The following CGB3 variants were observed in gnomAD, a reference collection of about 807,000 sequenced individuals.
CGB3 encodes the protein chorionic gonadotropin subunit beta 3, also known as choriogonadotropin subunit beta 3.
Under a neutral mutation model 5.1 loss-of-function variants are expected in CGB3, and 3 were observed. The observed-to-expected ratio is 0.59, with a 90% CI of 0.27 to 1.52. The LOEUF (loss-of-function observed/expected upper bound fraction) is 1.52. Among genes scored for constraint, CGB3 ranks in the 40% most tolerant of loss-of-function variants. The pLI is 0.13. For synonymous variants in CGB3, 21 were observed against 80.9 expected (o/e 0.26, Z 3.97); for missense variants, 44 against 183.7 (o/e 0.24, Z 4.39).
chr19:49,024,013 C>T lies in CGB3; in HGVS notation c.-42G>A, dbSNP rs375297042. On this transcript the variant is annotated 5_prime_UTR_variant, in exon 1 of 3. Coordinates refer to ENST00000357383, the MANE Select transcript of CGB3 (RefSeq NM_000737.5). ...GCCTCGTGTACCTGGCTTTATACCT[C>T]GGGGTTGTGGGGGCGGCAAGGCCAC... 49 of 1,612,382 alleles carry T rather than the reference C, an allele frequency of 3.0e-5. No homozygotes were observed. Among genetic ancestry groups the T allele is most frequent in the African/African-American group, 5.4e-5 (4 of 74,468 alleles).
rs200570800 is a variant in CGB3 at position 49,022,902 on chromosome 19, G to C, written c.482C>G (p.Pro161Arg). Reference sequence around the variant, plus strand: ...GAGAAGCCTTTATTGTGGGAGGATCGGGGTGTCCGAGGGCCCCGGGAGTCG... The same window carrying C: ...GAGAAGCCTTTATTGTGGGAGGATCCGGGTGTCCGAGGGCCCCGGGAGTCG... ...PSRLPGPSDT[P>R]ILPQ Residue 161 changes from proline (P) to arginine (R), a missense_variant, in exon 3 of 3, where the codon CCG becomes CGG. By Grantham distance (103) the Pro-to-Arg change is moderately radical. Transcript: ENST00000357383. 5 of 1,580,740 alleles carry C rather than the reference G, an allele frequency of 3.2e-6. No individual in the cohort carries two copies. The highest frequency in any genetic ancestry group is 2.3e-5 in the South Asian group (2 of 87,184).
chr19:49,023,518 G>A lies in CGB3; in HGVS notation c.101C>T (p.Ala34Val). The A allele has an allele frequency of 1.8e-6, 1 of 554,338 alleles. No homozygotes were observed. Among genetic ancestry groups the A allele is most frequent in the Non-Finnish European group, 3.0e-6 (1 of 331,676 alleles). The allele number at this position is 554,338 out of a possible 1,614,324, so 34.3% of individuals were successfully genotyped here. A position where few individuals can be genotyped will look rare whatever the true frequency, so the allele number is the denominator to read the frequency against. The change falls in exon 2 of 3, where the codon GCC becomes GTC. Residue 34 changes from alanine to valine, a missense_variant. This residue lies in a region of CGB3 where 12 missense variants were observed against 25.0 expected (regional missense o/e 0.48). Transcript: ENST00000357383. Reference sequence around the variant, plus strand: ...GCCCTCCTTCTCCACAGCCAGGGTGGCATTGATGGGGCGGCACCGTGGCCG... The same window carrying A: ...GCCCTCCTTCTCCACAGCCAGGGTGACATTGATGGGGCGGCACCGTGGCCG... ...PLRPRCRPIN[A>V]TLAVEKEGCP...
In CGB3 at chr19:49,024,143, CCCTCT is replaced by C; in HGVS notation, c.-177_-173del. On this transcript the variant is annotated 5_prime_UTR_variant, in exon 1 of 3. Transcript: ENST00000357383. ...GGAGTGGCTCAGCGGAGCGCCCCAG[CCCTCT>C]CCTCTCACTGGTCCAGCGCCAAGGG... 1 of 1,247,576 alleles carries C rather than the reference CCCTCT, an allele frequency of 8.0e-7. No homozygotes were observed. The highest frequency in any genetic ancestry group is 1.4e-5 in the South Asian group (1 of 70,420). 77.3% of individuals were successfully genotyped at this position (1,247,576 alleles called of 1,614,324 possible). A position where few individuals can be genotyped will look rare whatever the true frequency, so the allele number is the denominator to read the frequency against.
At position 49,023,785 on chromosome 19, in the gene CGB3, A is replaced by G. The variant is rs182395211; in HGVS notation, c.15+172T>C. 2.9e-3 allele frequency: 2,698 copies of G among 945,716 alleles called. 4 individuals are homozygous for G. The African/African-American group carries it at 0.048, about 17-fold the overall frequency. 58.6% of individuals were successfully genotyped at this position (945,716 alleles called of 1,614,324 possible). The stretch of plus-strand genomic sequence containing the variant: ...CCCCACAGCCCAGAGGACCTGAGAT[A>G]CCCCAACATTTCAGATCCGCACCTT... On this transcript the variant is annotated intron_variant, in intron 1 of 2. Coordinates refer to ENST00000357383, the MANE Select transcript of CGB3 (RefSeq NM_000737.5).
Position 49,024,078 on chromosome 19 carries a change from C to T in CGB3, c.-107G>A, listed in dbSNP as rs957888416. 3.1e-6 allele frequency: 5 copies of T among 1,602,464 alleles called. No homozygotes were observed. The Admixed American group carries it at 6.7e-5, about 21-fold the overall frequency. The stretch of plus-strand genomic sequence containing the variant: ...ATGCTGGGGTGAGCTCGACACTAAC[C>T]CCTCGGGGGGCAAGAGGTAGACAAG... On this transcript the variant is annotated 5_prime_UTR_variant, in exon 1 of 3. Transcript: ENST00000357383.
chr19:49,023,749 T>C lies in CGB3; in HGVS notation c.16-146A>G, dbSNP rs556373108. The C allele has an allele frequency of 5.7e-5, 82 of 1,437,836 alleles. No individual in the cohort carries two copies. In the East Asian group the frequency reaches 2.0e-3, roughly 36 times the overall value. 89.1% of individuals were successfully genotyped at this position (1,437,836 alleles called of 1,614,324 possible). ...GGACCCACCACCCGGACACCTGCCT[T>C]TCAGAGCCCACCCCACAGCCCAGAG... On this transcript the variant is annotated intron_variant, in intron 1 of 2. Coordinates refer to ENST00000357383, the MANE Select transcript of CGB3 (RefSeq NM_000737.5).
rs375631692 is a variant in CGB3 at position 49,024,014 on chromosome 19, G to A, written c.-43C>T. The A allele has an allele frequency of 1.5e-3, 2,447 of 1,611,760 alleles. 47 individuals are homozygous for A. The African/African-American group carries it at 0.028, about 19-fold the overall frequency. ...CCTCGTGTACCTGGCTTTATACCTC[G>A]GGGTTGTGGGGGCGGCAAGGCCACC... On this transcript the variant is annotated 5_prime_UTR_variant, in exon 1 of 3. Coordinates refer to ENST00000357383, the MANE Select transcript of CGB3 (RefSeq NM_000737.5).
chr19:49,024,003 C>G lies in CGB3; in HGVS notation c.-32G>C, dbSNP rs778256249. The G allele has an allele frequency of 3.7e-6, 6 of 1,613,102 alleles. No individual in the cohort carries two copies. The highest frequency in any genetic ancestry group is 5.1e-6 in the Non-Finnish European group (6 of 1,179,592). On this transcript the variant is annotated 5_prime_UTR_variant, in exon 1 of 3. Transcript: ENST00000357383. ...TGCGTCCCCTGCCTCGTGTACCTGG[C>G]TTTATACCTCGGGGTTGTGGGGGCG...
chr19:49,023,899 T>A, intron 1 of CGB3, 58 bp downstream of exon 1: 2 of 1,612,422 alleles, frequency 1.2e-6, no homozygotes, highest in South Asian at 2.2e-5. Flanking sequence ...TGACCCCTTC[T>A]CATGCCAGTG....
Position 49,024,047 on chromosome 19 carries a change from G to T in CGB3, c.-76C>A, listed in dbSNP as rs558114771. The T allele has an allele frequency of 0.034, 50,311 of 1,499,270 alleles. 2,085 individuals are homozygous for T. Among genetic ancestry groups the T allele is most frequent in the Non-Finnish European group, 0.038 (40,784 of 1,080,550 alleles). 92.9% of individuals were successfully genotyped at this position (1,499,270 alleles called of 1,614,324 possible). ...GGGGGCGGCAAGGCCACCAGGAGGT[G>T]ATAGGATGCTGGGGTGAGCTCGACA... On this transcript the variant is annotated 5_prime_UTR_variant, in exon 1 of 3. Coordinates refer to ENST00000357383, the MANE Select transcript of CGB3 (RefSeq NM_000737.5).
intron 1 of CGB3, 31 bp downstream of exon 1, chr19:49,023,926 T>A (rs201629156): frequency 6.2e-7 from 1 of 1,612,244 alleles, no homozygotes; most frequent in East Asian, 2.2e-5. Flanking sequence ...TGGAAGGAGG[T>A]GGAAGGTGCC....
Position 49,024,188 on chromosome 19 carries a change from C to A in CGB3, c.-217G>T, listed in dbSNP as rs1424890105. The A allele has an allele frequency of 6.3e-6, 9 of 1,435,416 alleles. No individual in the cohort carries two copies. Among genetic ancestry groups the A allele is most frequent in the Non-Finnish European group, 7.4e-6 (8 of 1,087,436 alleles). 88.9% of individuals were successfully genotyped at this position (1,435,416 alleles called of 1,614,324 possible). ...AGCGCCAAGGGTGAGGCGGAGACCA[C>A]GGTGAAGTGACCTCAGAGACTCAGT... On this transcript the variant is annotated 5_prime_UTR_variant, in exon 1 of 3. Transcript: ENST00000357383.
rs1023412955 is a variant in CGB3 at position 49,024,084 on chromosome 19, G to A, written c.-113C>T. On this transcript the variant is annotated 5_prime_UTR_variant, in exon 1 of 3. Transcript: ENST00000357383. The stretch of plus-strand genomic sequence containing the variant: ...GGGTGAGCTCGACACTAACCCCTCG[G>A]GGGGCAAGAGGTAGACAAGGCCAGG... The A allele has an allele frequency of 6.3e-7, 1 of 1,596,344 alleles. No homozygotes were observed. Among genetic ancestry groups the A allele is most frequent in the Non-Finnish European group, 8.6e-7 (1 of 1,165,674 alleles).
Position 49,023,120 on chromosome 19 carries a change from C to A in CGB3, c.264G>T (p.Arg88=). 8.1e-7 allele frequency: 1 copy of A among 1,232,204 alleles called. No homozygotes were observed. Among genetic ancestry groups the A allele is most frequent in the Middle Eastern group, 2.8e-4 (1 of 3,586 alleles). 76.3% of individuals were successfully genotyped at this position (1,232,204 alleles called of 1,614,324 possible). The change falls in exon 3 of 3, where the codon CGG becomes CGT. Residue 88 remains arginine, a synonymous_variant. Coordinates refer to ENST00000357383, the MANE Select transcript of CGB3 (RefSeq NM_000737.5). The part of the protein sequence containing the change: ...NYRDVRFESI[R]LPGCPRGVNP... ...TCACGCCGCGCGGGCAGCCAGGGAGCCGGATGGACTCGAAGCGCACATCGC... is the reference window on the plus strand; with the variant it reads ...TCACGCCGCGCGGGCAGCCAGGGAGACGGATGGACTCGAAGCGCACATCGC...
Position 49,024,215 on chromosome 19 carries a change from G to A in CGB3, c.-244C>T, listed in dbSNP as rs903146617. 40 of 1,429,278 alleles carry A rather than the reference G, an allele frequency of 2.8e-5. No individual in the cohort carries two copies. In the East Asian group the frequency reaches 3.3e-4, roughly 12 times the overall value. 88.5% of individuals were successfully genotyped at this position (1,429,278 alleles called of 1,614,324 possible). A position where few individuals can be genotyped will look rare whatever the true frequency, so the allele number is the denominator to read the frequency against. ...GTGAAGTGACCTCAGAGACTCAGTC[G>A]TCGAGTGCTAGGGACTAGTCGAGGC... On this transcript the variant is annotated 5_prime_UTR_variant, in exon 1 of 3. The change creates a new upstream start codon in the 5' untranslated region. Coordinates refer to ENST00000357383, the MANE Select transcript of CGB3 (RefSeq NM_000737.5).
intron 1 of CGB3, 147 bp from the exon 2 acceptor site, chr19:49,023,750 T>G (rs1233271960): frequency 7.6e-6 from 11 of 1,438,620 alleles, no homozygotes; most frequent in Non-Finnish European, 1.0e-5. Flanking sequence ...CACCTGCCTT[T>G]CAGAGCCCAC....
chr19:49,023,957 C>T lies in CGB3; in HGVS notation c.15G>A (p.Gln5=). ...GTGCCCAGGGGCCCTGCAGTCTTACCTGGAACATCTCCATCCTTGGTGCGT... is the reference window on the plus strand; with the variant it reads ...GTGCCCAGGGGCCCTGCAGTCTTACTTGGAACATCTCCATCCTTGGTGCGT... MEMF[Q]GLLLLLLLSM... is the part of the protein sequence containing the mutation. The change falls in exon 1 of 3, where the codon CAG becomes CAA. Residue 5 remains glutamine (Q), a splice_region_variant and synonymous_variant. Coordinates refer to ENST00000357383, the MANE Select transcript of CGB3 (RefSeq NM_000737.5). 2 of 1,613,122 alleles carry T rather than the reference C, an allele frequency of 1.2e-6. No homozygotes were observed. The highest frequency in any genetic ancestry group is 1.7e-6 in the Non-Finnish European group (2 of 1,179,772).
At chr19:49,023,774 G>A (rs953983225) in intron 1 of CGB3, 171 bp from the exon 2 acceptor site, 40 of 961,082 alleles carry the variant, frequency 4.2e-5, no homozygotes, top group Non-Finnish European at 4.3e-5. Context: ...ACAGCCCAGA[G>A]GACCTGAGAT....
chr19:49,024,260 G>C lies in CGB3; in HGVS notation c.-289C>G. ...CGAGGCTGGAGGCACAGGGAGTAGGGTGTAGGAAGGCCTGCCTCTGCCTAT... is the reference window on the plus strand; with the variant it reads ...CGAGGCTGGAGGCACAGGGAGTAGGCTGTAGGAAGGCCTGCCTCTGCCTAT... On this transcript the variant is annotated 5_prime_UTR_variant, in exon 1 of 3. Transcript: ENST00000357383. 1 of 1,308,450 alleles carries C rather than the reference G, an allele frequency of 7.6e-7. No homozygotes were observed. The highest frequency in any genetic ancestry group is 1.7e-5 in the South Asian group (1 of 60,440). 81.1% of individuals were successfully genotyped at this position (1,308,450 alleles called of 1,614,324 possible).
Sources: gnomAD v4.1 joint callset for allele counts on GRCh38, gnomAD v4.1.1 for gene constraint, gnomAD v4.1.1 regional missense constraint, MANE v1.5 for transcripts, NCBI Gene and HGNC (gene_info 2026-07-23, HGNC 2026-07-21) for gene names.